CEP112: variants seen among roughly 807,000 people sequenced by gnomAD.
The protein encoded by CEP112 is centrosomal protein 112, also known as centrosomal protein of 112 kDa.
CEP112 carries 127 observed loss-of-function variants against 153.0 expected under a neutral mutation model. That is an observed-to-expected ratio of 0.83 (90% CI 0.72 to 0.96). CEP112 has a LOEUF of 0.96. CEP112 is among the 40% of genes least tolerant of loss of function. CEP112 has a pLI of 0.00. For missense variants in CEP112, 1,089 were observed against 1,101.2 expected (o/e 0.99, Z 0.16); for synonymous variants, 358 against 374.4 (o/e 0.96, Z 0.51).
intron 19 of CEP112, among the ~76,000 whole-genome samples, chr17:65,925,233 C>T (rs1020462088): frequency 5.9e-5 from 9 of 152,228 alleles, no homozygotes; most frequent in African/African-American, 2.2e-4. Context: ...TTGCCTGCCA[C>T]CACATAAAAG....
Position 66,191,260 on chromosome 17 carries a change from C to T in CEP112, c.-9+737G>A, listed in dbSNP as rs2073152534. Among the ~76,000 whole-genome samples, 1 of 152,150 alleles carries T rather than the reference C, an allele frequency of 6.6e-6. No homozygotes were observed. Among genetic ancestry groups the T allele is most frequent in the African/African-American group, 2.4e-5 (1 of 41,434 alleles). The stretch of plus-strand genomic sequence containing the variant: ...GCACAAATTATTAATACCATGCATT[C>T]CACTAAGCTGCAGCCTGACCACTGT... On this transcript the variant is annotated intron_variant, in intron 1 of 26. Coordinates refer to ENST00000535342, the MANE Select transcript of CEP112 (RefSeq NM_001199165.4). The surrounding 1 kb of genome is among the most constrained non-coding windows in gnomAD (Gnocchi z 4.2).
chr17:65,903,172 T>C (rs1244288261), intron 19 of CEP112: 1 of 152,258 alleles, frequency 6.6e-6, no homozygotes, highest in African/African-American at 2.4e-5. Flanking sequence ...GCTTCCCCAG[T>C]GAACTCCAGG....
chr17:65,836,482 A>T (rs1325297168), intron 21 of CEP112, among the ~76,000 whole-genome samples: 1 of 152,244 alleles, frequency 6.6e-6, no homozygotes, highest in East Asian at 1.9e-4. Flanking sequence ...ATAAAAGAGC[A>T]GGAATAGTTA....
chr17:65,687,813 T>C (rs1425349691), intron 24 of CEP112, among the ~76,000 whole-genome samples: 2 of 152,234 alleles, frequency 1.3e-5, no homozygotes, highest in African/African-American at 4.8e-5. Context: ...TTTTGTGTTT[T>C]CCCTTCCCCC....
chr17:65,937,712 C>G (rs2061385147), intron 18 of CEP112, among the ~76,000 whole-genome samples: 1 of 83,398 alleles, frequency 1.2e-5, no homozygotes, highest in Non-Finnish European at 2.4e-5. Context: ...GAGCCCCCCG[C>G]CCGGCCAGCC....
chr17:65,975,397 G>T (rs896534844), intron 17 of CEP112, among the ~76,000 whole-genome samples: 1 of 152,100 alleles, frequency 6.6e-6, no homozygotes, highest in Non-Finnish European at 1.5e-5. Context: ...GTATAAGTAT[G>T]GGATATGTGT....
intron 21 of CEP112, among the ~76,000 whole-genome samples, chr17:65,774,807 A>C (rs1472849841): frequency 6.6e-6 from 1 of 152,110 alleles, no homozygotes; most frequent in African/African-American, 2.4e-5. Flanking sequence ...TTCAAAACAG[A>C]AATGGATTCC....
At chr17:65,977,039 C>A (rs1466428666) in intron 17 of CEP112, among the ~76,000 whole-genome samples, 1 of 152,058 alleles carries the variant, frequency 6.6e-6, no homozygotes, top group African/African-American at 2.4e-5. Flanking sequence ...GGCCCGGCCA[C>A]TTTTTAAACA....
At chr17:66,053,167 C>G (rs2066514959) in intron 12 of CEP112, among the ~76,000 whole-genome samples, 1 of 148,104 alleles carries the variant, frequency 6.8e-6, no homozygotes, top group Non-Finnish European at 1.5e-5. Flanking sequence ...GAAAAAAAAA[C>G]AAGAAGAAAA....
chr17:65,696,988 CA>C (rs755723311), intron 23 of CEP112, among the ~76,000 whole-genome samples: 5 of 151,940 alleles, frequency 3.3e-5, no homozygotes, highest in Non-Finnish European at 5.9e-5. Flanking sequence ...ATGAAGAGAC[CA>C]GGGGGGTAGG....
Position 66,062,582 on chromosome 17 carries a change from T to C in CEP112, c.1074+381A>G, listed in dbSNP as rs372438543. 5.9e-5 allele frequency among the ~76,000 whole-genome samples: 9 copies of C among 152,210 alleles called. 1 individual carries two copies. In the East Asian group the frequency reaches 1.3e-3, roughly 23 times the overall value. ...TTTATACAATAAATTCTAGTCCATA[T>C]TATATTTTCTAAAATTTCAGGAAAG... On this transcript the variant is annotated intron_variant, in intron 11 of 26. Transcript: ENST00000535342.
In CEP112 at chr17:65,829,178, G is replaced by A. The variant is rs560475952; in HGVS notation, c.2394+22626C>T. On this transcript the variant is annotated intron_variant, in intron 21 of 26. Coordinates refer to ENST00000535342, the MANE Select transcript of CEP112 (RefSeq NM_001199165.4). ...CTTTATTACTTATGAGAATGAAGAG[G>A]TTTATTTAAGCCAACTGCAGTTTTA... is the stretch of plus-strand genomic sequence containing the variant. Among the ~76,000 whole-genome samples the A allele has an allele frequency of 4.6e-5, 7 of 152,178 alleles. No individual in the cohort carries two copies. The South Asian group carries it at 1.5e-3, about 32-fold the overall frequency.
chr17:66,044,421 C>T (rs182263722), intron 12 of CEP112, among the ~76,000 whole-genome samples: 61 of 152,154 alleles, frequency 4.0e-4, no homozygotes, highest in Admixed American at 2.0e-4. Flanking sequence ...TGTACACCCA[C>T]GTACACGGCA....
intron 8 of CEP112, among the ~76,000 whole-genome samples, chr17:66,078,646 T>C (rs1457994096): frequency 6.6e-6 from 1 of 152,226 alleles, no homozygotes; most frequent in African/African-American, 2.4e-5. Context: ...TCATGCTCTT[T>C]GTTGCCTGCA....
At chr17:65,853,546 T>C (rs1011006749) in intron 20 of CEP112, among the ~76,000 whole-genome samples, 2 of 152,060 alleles carry the variant, frequency 1.3e-5, no homozygotes, top group Non-Finnish European at 2.9e-5. Context: ...CTGGCCAAGA[T>C]GGTGAAACCC....
chr17:66,058,793 G>T (rs557089129), intron 11 of CEP112, among the ~76,000 whole-genome samples: 9 of 152,132 alleles, frequency 5.9e-5, no homozygotes, highest in Admixed American at 2.0e-4. Flanking sequence ...TCAAGGCTGT[G>T]GTGAGCTGTT....
At chr17:65,899,465 T>C (rs1291833647) in intron 20 of CEP112, among the ~76,000 whole-genome samples, 1 of 152,190 alleles carries the variant, frequency 6.6e-6, no homozygotes, top group Non-Finnish European at 1.5e-5. Context: ...TGCATTTCTA[T>C]GTCTTATCAT....
chr17:66,131,757 A>C (rs1809304666), intron 5 of CEP112, among the ~76,000 whole-genome samples: 1 of 152,132 alleles, frequency 6.6e-6, no homozygotes, highest in East Asian at 1.9e-4. Flanking sequence ...AAAAAAACAA[A>C]AACAAAAACA....
In CEP112 at chr17:65,751,477, C is replaced by T. The variant is rs1167095579; in HGVS notation, c.2395-753G>A. Among the ~76,000 whole-genome samples the T allele has an allele frequency of 1.2e-4, 19 of 152,212 alleles. No individual in the cohort carries two copies. In the East Asian group the frequency reaches 3.1e-3, roughly 25 times the overall value. ...CTGTGTCTTTTCCCCATCAATCATGCGGGCACTAAAGAGGCTCTTTCACTC... is the reference window on the plus strand; with the variant it reads ...CTGTGTCTTTTCCCCATCAATCATGTGGGCACTAAAGAGGCTCTTTCACTC... On this transcript the variant is annotated intron_variant, in intron 21 of 26. Transcript: ENST00000535342.
Sources: allele counts gnomAD v4.1 joint callset (sites outside exome capture counted in the v4.1 genomes callset), GRCh38; gene constraint gnomAD v4.1.1; non-coding constraint Gnocchi (gnomAD v3.1); transcripts MANE v1.5; gene names NCBI Gene and HGNC (gene_info 2026-07-23, HGNC 2026-07-21).